Variants in MOB1A observed in about 807,000 individuals in gnomAD.
MOB1A encodes MOB1 Mps One Binder homolog A.
MOB1A carries 10 observed loss-of-function variants against 25.1 expected under a neutral mutation model. The observed-to-expected ratio is 0.40, with a 90% CI of 0.25 to 0.68. The LOEUF (loss-of-function observed/expected upper bound fraction) is 0.68, where lower values mean the gene tolerates loss of function less well. Among genes scored for constraint, MOB1A ranks in the 30% least tolerant of loss-of-function variants. MOB1A has a pLI of 0.40. For missense variants in MOB1A, 177 were observed against 256.3 expected (o/e 0.69, Z 2.11); for synonymous variants, 81 against 79.5 (o/e 1.02, Z -0.10).
chr2:74,173,661 T>C (rs917414144), intron 1 of MOB1A, among the ~76,000 whole-genome samples: 1 of 151,196 alleles, frequency 6.6e-6, no homozygotes, highest in Admixed American at 6.6e-5. Context: ...TAGAAAATGA[T>C]GGGGCCATGC....
chr2:74,158,133 T>A (rs1318188643), intron 5 of MOB1A, among the ~76,000 whole-genome samples: 13 of 141,932 alleles, frequency 9.2e-5, no homozygotes, highest in African/African-American at 1.4e-4. Flanking sequence ...TTAGCCGAGA[T>A]CGTGCCACTG....
In MOB1A at chr2:74,155,881, T is replaced by C. The variant is rs1272481352; in HGVS notation, c.*687A>G. On this transcript the variant is annotated 3_prime_UTR_variant, in exon 6 of 6. Transcript: ENST00000396049. Reference sequence around the variant, plus strand: ...ACACTCCTAATAATTTAGATAGATATGAAAACAATCTCAAATAAAGATCAA... The same window carrying C: ...ACACTCCTAATAATTTAGATAGATACGAAAACAATCTCAAATAAAGATCAA... 6.6e-6 allele frequency: 1 copy of C among 152,228 alleles called. No individual in the cohort carries two copies. Among genetic ancestry groups the C allele is most frequent in the Non-Finnish European group, 1.5e-5 (1 of 67,964 alleles). The allele number at this position is 152,228 out of a possible 1,614,324, so 9.4% of individuals were successfully genotyped here. A position where few individuals can be genotyped will look rare whatever the true frequency, so the allele number is the denominator to read the frequency against.
chr2:74,160,588 C>G (rs1252749317), intron 4 of MOB1A, among the ~76,000 whole-genome samples: 2 of 152,054 alleles, frequency 1.3e-5, no homozygotes, highest in Non-Finnish European at 2.9e-5. Context: ...GTAATCCCAG[C>G]TACTCGGGAG....
chr2:74,175,776 A>T (rs1157840401), intron 1 of MOB1A, among the ~76,000 whole-genome samples: 1 of 152,184 alleles, frequency 6.6e-6, no homozygotes, highest in East Asian at 1.9e-4. Flanking sequence ...GATCTAATAC[A>T]TGGTTAAACA....
Position 74,159,134 on chromosome 2 carries a change from G to C in MOB1A, c.530C>G (p.Ala177Gly). Residue 177 changes from alanine (A) to glycine (G), a missense_variant, in exon 5 of 6, where the codon GCC becomes GGC. Coordinates refer to ENST00000396049, the MANE Select transcript of MOB1A (RefSeq NM_018221.5). The part of the protein sequence containing the change: ...FDSVMQLQEE[A>G]HLNTSFKHFI... ...GTGCTTAAAGGAGGTGTTGAGGTGG[G>C]CCTCCTCTTGCAGCTGCATCACAGA... 1 of 1,613,948 alleles carries C rather than the reference G, an allele frequency of 6.2e-7. No homozygotes were observed. The highest frequency in any genetic ancestry group is 8.5e-7 in the Non-Finnish European group (1 of 1,179,852).
rs914890805 is a variant in MOB1A at position 74,165,423 on chromosome 2, G to A, written c.276-72C>T. The stretch of plus-strand genomic sequence containing the variant: ...AAATGTGCAAGTTGTGATTAAAACA[G>A]GTTCATTCACATTTTGTCAATAGAA... On this transcript the variant is annotated intron_variant, in intron 3 of 5. Transcript: ENST00000396049. The A allele has an allele frequency of 5.4e-6, 5 of 919,712 alleles. No homozygotes were observed. The South Asian group carries it at 1.1e-4, about 21-fold the overall frequency. The allele number at this position is 919,712 out of a possible 1,614,324, so 57.0% of individuals were successfully genotyped here. A position where few individuals can be genotyped will look rare whatever the true frequency, so the allele number is the denominator to read the frequency against.
chr2:74,153,727 C>A lies in MOB1A; in HGVS notation c.*2841G>T, dbSNP rs1042073380. Reference sequence around the variant, plus strand: ...ATAATTTAGCAAGCACTCTCTACCCCATGACTGTAATCATGTATGAAGAGC... The same window carrying A: ...ATAATTTAGCAAGCACTCTCTACCCAATGACTGTAATCATGTATGAAGAGC... On this transcript the variant is annotated 3_prime_UTR_variant, in exon 6 of 6. Transcript: ENST00000396049. 2 of 152,198 alleles carry A rather than the reference C, an allele frequency of 1.3e-5. No individual in the cohort carries two copies. Among genetic ancestry groups the A allele is most frequent in the African/African-American group, 2.4e-5 (1 of 41,446 alleles). The allele number at this position is 152,198 out of a possible 1,614,324, so 9.4% of individuals were successfully genotyped here. A position where few individuals can be genotyped will look rare whatever the true frequency, so the allele number is the denominator to read the frequency against.
chr2:74,160,605 G>C (rs551192086), intron 4 of MOB1A, among the ~76,000 whole-genome samples: 4 of 152,196 alleles, frequency 2.6e-5, no homozygotes, highest in African/African-American at 9.6e-5. Context: ...GGAGGCTGAG[G>C]CAGAGAATTG....
intron 4 of MOB1A, among the ~76,000 whole-genome samples, chr2:74,159,817 G>GTTTCCC (rs148744685): frequency 1.0e-5 from 1 of 99,244 alleles, no homozygotes; most frequent in African/African-American, 3.7e-5. Context: ...TTTGTTTTTT[G>GTTTCCC]TCCCCCCCCC....
At chr2:74,171,140 C>T (rs566005134) in intron 2 of MOB1A, among the ~76,000 whole-genome samples, 8 of 151,222 alleles carry the variant, frequency 5.3e-5, no homozygotes, top group Admixed American at 4.0e-4. Flanking sequence ...ATTAGCCGGG[C>T]GTGGTGGCGG....
chr2:74,168,299 G>A (rs1407126745), intron 2 of MOB1A, among the ~76,000 whole-genome samples: 3 of 152,124 alleles, frequency 2.0e-5, no homozygotes, highest in African/African-American at 7.2e-5. Flanking sequence ...AGAGGCAGGG[G>A]GTGAGTAAAT....
intron 3 of MOB1A, among the ~76,000 whole-genome samples, chr2:74,166,603 G>A (rs1200788405): frequency 6.6e-6 from 1 of 152,166 alleles, no homozygotes; most frequent in Non-Finnish European, 1.5e-5. Flanking sequence ...GCGAGGCCGA[G>A]GTGGGCAGAT....
At chr2:74,158,195 GA>G (rs1424787399) in intron 5 of MOB1A, among the ~76,000 whole-genome samples, 10 of 87,390 alleles carry the variant, frequency 1.1e-4, no homozygotes, top group East Asian at 1.1e-3. Flanking sequence ...AAAAAAAAAA[GA>G]GGGGGGAAAA....
At chr2:74,167,636 T>G (rs148364863) in intron 2 of MOB1A, among the ~76,000 whole-genome samples, 2 of 152,294 alleles carry the variant, frequency 1.3e-5, no homozygotes, top group Admixed American at 6.5e-5. Flanking sequence ...TAATACCATT[T>G]GTGTTAGGAA....
rs1372557152 is a variant in MOB1A at position 74,153,081 on chromosome 2, C to T, written c.*3487G>A. On this transcript the variant is annotated 3_prime_UTR_variant, in exon 6 of 6. Coordinates refer to ENST00000396049, the MANE Select transcript of MOB1A (RefSeq NM_018221.5). ...GTAGAAACTAAATTCCCTTATGGAT[C>T]TCAGGGGGAAATAATGTGCCTGTTG... The T allele has an allele frequency of 6.6e-6, 1 of 152,166 alleles. No homozygotes were observed. Among genetic ancestry groups the T allele is most frequent in the Non-Finnish European group, 1.5e-5 (1 of 68,046 alleles). The allele number at this position is 152,166 out of a possible 1,614,324, so 9.4% of individuals were successfully genotyped here. A position where few individuals can be genotyped will look rare whatever the true frequency, so the allele number is the denominator to read the frequency against.
At chr2:74,157,085 A>C (rs1692826770) in intron 5 of MOB1A, among the ~76,000 whole-genome samples, 2 of 150,158 alleles carry the variant, frequency 1.3e-5, no homozygotes, top group South Asian at 4.2e-4. Context: ...TGGTGGCTGG[A>C]GGCTCCTATA....
intron 4 of MOB1A, among the ~76,000 whole-genome samples, chr2:74,161,230 C>G (rs1006601990): frequency 1.3e-5 from 2 of 152,092 alleles, no homozygotes; most frequent in African/African-American, 4.8e-5. Flanking sequence ...ACTTATTTTG[C>G]TGATGTTTGT....
Position 74,173,546 on chromosome 2 carries a change from A to G in MOB1A, c.15-794T>C, listed in dbSNP as rs187057737. On this transcript the variant is annotated intron_variant, in intron 1 of 5. Transcript: ENST00000396049. ...TAGGCATGCACCACCACACCCAGCT[A>G]ATTTTTTTTTTTTTTAGTAGAGATG... Among the ~76,000 whole-genome samples, 1,426 of 150,690 alleles carry G rather than the reference A, an allele frequency of 9.5e-3. 23 individuals are homozygous for G. Among genetic ancestry groups the G allele is most frequent in the African/African-American group, 0.031 (1,294 of 41,138 alleles).
chr2:74,163,411 A>C (rs1693031209), intron 4 of MOB1A, among the ~76,000 whole-genome samples: 1 of 152,156 alleles, frequency 6.6e-6, no homozygotes, highest in Non-Finnish European at 1.5e-5. Flanking sequence ...CCAAGGAAGG[A>C]GGGATGCTTG....
Sources: gnomAD v4.1 joint callset for allele counts (sites outside exome capture counted in the v4.1 genomes callset) on GRCh38, gnomAD v4.1.1 for gene constraint, MANE v1.5 for transcripts, NCBI Gene and HGNC (gene_info 2026-07-23, HGNC 2026-07-21) for gene names.